PAK4: variants seen among roughly 807,000 people sequenced by gnomAD.
PAK4 encodes serine/threonine-protein kinase PAK 4.
A neutral mutation model predicts 53.5 loss-of-function variants in PAK4; 49 were observed. The observed-to-expected ratio is 0.92, with a 90% CI of 0.73 to 1.16. PAK4 has a LOEUF of 1.16. PAK4 is among the 50% of genes most tolerant of loss of function. PAK4 has a pLI of 0.00. For synonymous variants in PAK4, 376 were observed against 375.6 expected, an observed-to-expected ratio of 1.00 and a Z score of -0.01; for missense variants, 824 against 850.7, an observed-to-expected ratio of 0.97 and a Z score of 0.39.
intron 1 of PAK4, among the ~76,000 whole-genome samples, chr19:39,146,656 C>G (rs1374409975): frequency 6.6e-6 from 1 of 151,926 alleles, no homozygotes; most frequent in Admixed American, 6.6e-5. Flanking sequence ...CCTGGGCAAC[C>G]TGGGGAGACA....
chr19:39,178,870 A>C lies in PAK4; in HGVS notation c.*291A>C. On this transcript the variant is annotated 3_prime_UTR_variant, in exon 9 of 9. Coordinates refer to ENST00000358301, the Ensembl canonical transcript of PAK4. This position sits in a 1 kb window ranked among gnomAD's most constrained non-coding sequence, Gnocchi z 4.4. ...CTCCAGGAAGGGCAGCGGCCCTCCC[A>C]TCACTGGAAGTCTGCAGTGGGGGTC... The C allele has an allele frequency of 2.6e-6, 1 of 388,812 alleles. No individual in the cohort carries two copies. The highest frequency in any genetic ancestry group is 4.6e-6 in the Non-Finnish European group (1 of 215,070). The allele number at this position is 388,812 out of a possible 1,614,324, so 24.1% of individuals were successfully genotyped here.
chr19:39,162,761 G>C (rs1173963653), intron 1 of PAK4, among the ~76,000 whole-genome samples: 1 of 152,194 alleles, frequency 6.6e-6, no homozygotes, highest in African/African-American at 2.4e-5. Flanking sequence ...TGGGTGCACT[G>C]CTATGGGCCC....
In PAK4 at chr19:39,127,144, G is replaced by A. The variant is rs564319859; in HGVS notation, c.-23+1225G>A. Among the ~76,000 whole-genome samples the A allele has an allele frequency of 6.4e-4, 97 of 152,144 alleles. 1 individual carries two copies. Among genetic ancestry groups the A allele is most frequent in the Admixed American group, 5.6e-3 (85 of 15,286 alleles). ...TGGAGTCCGAGCAAGGGAGTCCGAC[G>A]GGCTTCTGACTGGGGAGAGTGTCCC... On this transcript the variant is annotated intron_variant, in intron 1 of 8. Transcript: ENST00000358301.
At chr19:39,163,745 G>A (rs898234345) in intron 1 of PAK4, among the ~76,000 whole-genome samples, 2 of 152,242 alleles carry the variant, frequency 1.3e-5, no homozygotes, top group African/African-American at 4.8e-5. Flanking sequence ...GCAGAAGGCT[G>A]CACCTTCCTG....
intron 1 of PAK4, among the ~76,000 whole-genome samples, chr19:39,135,734 A>G (rs1348170198): frequency 6.6e-6 from 1 of 152,012 alleles, no homozygotes; most frequent in Non-Finnish European, 1.5e-5. Context: ...CAGTGGGAAC[A>G]CAGACCTCGA....
intron 2 of PAK4, among the ~76,000 whole-genome samples, chr19:39,170,323 C>G (rs1055179530): frequency 5.9e-5 from 9 of 151,642 alleles, no homozygotes; most frequent in African/African-American, 2.2e-4. Flanking sequence ...TGGAGAAAAT[C>G]ACTCCTGTGA....
chr19:39,143,812 T>C (rs1427932990), intron 1 of PAK4, among the ~76,000 whole-genome samples: 1 of 151,524 alleles, frequency 6.6e-6, no homozygotes, highest in Non-Finnish European at 1.5e-5. Context: ...AATTTAAAAA[T>C]TATTTAAAAT....
At chr19:39,138,434 C>T (rs1463177445) in intron 1 of PAK4, among the ~76,000 whole-genome samples, 2 of 152,230 alleles carry the variant, frequency 1.3e-5, no homozygotes, top group African/African-American at 2.4e-5. Context: ...TGCTCGTGCG[C>T]ACACACCTGA....
At chr19:39,148,795 T>C (rs189185975) in intron 1 of PAK4, among the ~76,000 whole-genome samples, 1 of 152,094 alleles carries the variant, frequency 6.6e-6, no homozygotes, top group Non-Finnish European at 1.5e-5. Context: ...GTTTTACATT[T>C]AAGTCTGTGA....
At chr19:39,165,722 C>T (rs1010276653) in intron 1 of PAK4, among the ~76,000 whole-genome samples, 1 of 152,142 alleles carries the variant, frequency 6.6e-6, no homozygotes, top group African/African-American at 2.4e-5. Context: ...ATGCCCTGGA[C>T]AAGGGCCTTC....
At chr19:39,132,240 A>T (rs1160601031) in intron 1 of PAK4, among the ~76,000 whole-genome samples, 1 of 152,172 alleles carries the variant, frequency 6.6e-6, no homozygotes, top group African/African-American at 2.4e-5. Context: ...CTCCATGTGC[A>T]TGCATTACCT....
At chr19:39,160,362 GACA>G (rs1271472840) in intron 1 of PAK4, among the ~76,000 whole-genome samples, 106 of 62,868 alleles carry the variant, frequency 1.7e-3, no homozygotes, top group African/African-American at 6.0e-3. Flanking sequence ...GCAAGAACCA[GACA>G]GACAGACAGG....
intron 1 of PAK4, 138 bp from the exon 3 acceptor site, chr19:39,169,394 T>A (rs919706224): frequency 4.6e-6 from 3 of 651,012 alleles, no homozygotes; most frequent in Non-Finnish European, 8.2e-6. Flanking sequence ...GCGCAGGGGG[T>A]GGGCAGGGAG....
intron 1 of PAK4, among the ~76,000 whole-genome samples, chr19:39,156,414 A>AG (rs2074182621): frequency 1.3e-5 from 2 of 151,922 alleles, no homozygotes; most frequent in African/African-American, 4.8e-5. Flanking sequence ...GCAGGTACTC[A>AG]GCCTTGCTGT....
At chr19:39,127,011 G>T (rs1385899182) in intron 1 of PAK4, among the ~76,000 whole-genome samples, 3 of 152,144 alleles carry the variant, frequency 2.0e-5, no homozygotes, top group Non-Finnish European at 4.4e-5. Flanking sequence ...GGCAGGGCTG[G>T]GCCACTCCCT....
At chr19:39,145,595 C>T (rs1346825652) in intron 1 of PAK4, among the ~76,000 whole-genome samples, 2 of 152,148 alleles carry the variant, frequency 1.3e-5, no homozygotes, top group Non-Finnish European at 2.9e-5. Context: ...GCGCCGTTGG[C>T]TTCCTAGGGC....
intron 1 of PAK4, among the ~76,000 whole-genome samples, chr19:39,131,704 C>T (rs1164879417): frequency 2.0e-5 from 3 of 152,344 alleles, no homozygotes; most frequent in Non-Finnish European, 4.4e-5. Flanking sequence ...TGGGACCCTC[C>T]GGTCCTGCCC....
intron 1 of PAK4, among the ~76,000 whole-genome samples, chr19:39,147,538 G>T (rs527333780): frequency 1.3e-5 from 2 of 152,150 alleles, no homozygotes; most frequent in South Asian, 4.1e-4. Flanking sequence ...GCTGGGCAGC[G>T]TGCTGGTTGC....
chr19:39,173,944 C>A lies in PAK4; in HGVS notation c.1032C>A (p.Gly344=). Reference sequence around the variant, plus strand: ...GCATCGCCACCGTGCGCAGCTCGGGCAAGCTGGTGGCCGTCAAGAAGATGG... The same window carrying A: ...GCATCGCCACCGTGCGCAGCTCGGGAAAGCTGGTGGCCGTCAAGAAGATGG... Residue 344 remains glycine (G), a synonymous_variant, in exon 4 of 9, where the codon GGC becomes GGA. Coordinates refer to ENST00000358301, the Ensembl canonical transcript of PAK4. This position sits in a 1 kb window ranked among gnomAD's most constrained non-coding sequence, Gnocchi z 6.9. The A allele has an allele frequency of 6.2e-7, 1 of 1,611,118 alleles. No homozygotes were observed.
Sources: allele counts gnomAD v4.1 joint callset (sites outside exome capture counted in the v4.1 genomes callset), GRCh38; gene constraint gnomAD v4.1.1; non-coding constraint Gnocchi (gnomAD v3.1); transcripts MANE v1.5; gene names NCBI Gene and HGNC (gene_info 2026-07-23, HGNC 2026-07-21).